The following UNC13C variants were observed in gnomAD, a reference collection of about 807,000 sequenced individuals.
UNC13C encodes unc-13 homolog C.
A neutral mutation model predicts 245.4 loss-of-function variants in UNC13C; 174 were observed. That is an observed-to-expected ratio of 0.71 (90% CI 0.63 to 0.80). The LOEUF is 0.80. Ranked by LOEUF, UNC13C falls within the 30% of genes least tolerant of loss-of-function variation. The pLI is 0.00. For missense variants in UNC13C, 2,829 were observed against 2,602.9 expected, an observed-to-expected ratio of 1.09 and a Z score of -1.89; for synonymous variants, 992 against 895.1, an observed-to-expected ratio of 1.11 and a Z score of -1.93.
chr15:53,892,419 C>T, the UNC13C span, among the ~76,000 whole-genome samples: 1 of 152,076 alleles, frequency 6.6e-6, no homozygotes, highest in East Asian at 1.9e-4. Context: ...TGAATGTTGG[C>T]CTGTCTTGCT....
chr15:54,146,310 G>A (rs912705385), intron 4 of UNC13C, among the ~76,000 whole-genome samples: 2 of 151,800 alleles, frequency 1.3e-5, no homozygotes, highest in African/African-American at 2.4e-5. Flanking sequence ...TTCTACCTTC[G>A]CCATCCCCAA....
At chr15:54,108,193 C>CT (rs11340883) in intron 2 of UNC13C, among the ~76,000 whole-genome samples, 3,830 of 150,588 alleles carry the variant, frequency 0.025, 145 homozygotes, top group African/African-American at 0.085. Context: ...CTAAATAATA[C>CT]TTTTTTTTTT....
chr15:54,327,053 CTA>C (rs1253844051), intron 14 of UNC13C, among the ~76,000 whole-genome samples: 12 of 152,062 alleles, frequency 7.9e-5, no homozygotes, highest in African/African-American at 2.6e-4. Context: ...TAAAGTGTCT[CTA>C]TGTGTGTTGA....
At chr15:54,395,286 A>G (rs766389524) in intron 18 of UNC13C, among the ~76,000 whole-genome samples, 1 of 151,878 alleles carries the variant, frequency 6.6e-6, no homozygotes, top group South Asian at 2.1e-4. Context: ...TTTCATTTAT[A>G]TCTGTTACTT....
chr15:53,985,420 CAT>C (rs1894096304), intron 1 of UNC13C, among the ~76,000 whole-genome samples: 1 of 150,838 alleles, frequency 6.6e-6, no homozygotes, highest in African/African-American at 2.5e-5. Flanking sequence ...AGGTTTGTTA[CAT>C]ATGTATACAT....
intron 13 of UNC13C, among the ~76,000 whole-genome samples, chr15:54,309,957 G>A (rs1015633645): frequency 2.0e-5 from 3 of 151,740 alleles, no homozygotes; most frequent in Non-Finnish European, 4.4e-5. Context: ...AATTCCATTT[G>A]TTGAATTCTT....
intron 1 of UNC13C, among the ~76,000 whole-genome samples, chr15:53,995,067 T>G (rs1331717642): frequency 6.6e-6 from 1 of 152,136 alleles, no homozygotes; most frequent in African/African-American, 2.4e-5. Flanking sequence ...ATATAAATAT[T>G]CTATGAGAAA....
At chr15:54,469,006 A>C (rs781606516) in intron 19 of UNC13C, among the ~76,000 whole-genome samples, 1 of 151,574 alleles carries the variant, frequency 6.6e-6, no homozygotes, top group Non-Finnish European at 1.5e-5. Context: ...CATTTTGCTG[A>C]ATCTATAGAT....
At chr15:54,230,216 A>G (rs1001776339) in intron 4 of UNC13C, among the ~76,000 whole-genome samples, 2 of 152,162 alleles carry the variant, frequency 1.3e-5, no homozygotes, top group East Asian at 3.9e-4. Context: ...AACAATGTGC[A>G]AAGGTCCCTT....
At position 54,549,682 on chromosome 15, in the gene UNC13C, C is replaced by G; in HGVS notation, c.5868C>G (p.Ser1956=). 1 of 1,594,614 alleles carries G rather than the reference C, an allele frequency of 6.3e-7. No homozygotes were observed. Residue 1956 remains serine (S), a synonymous_variant, in exon 28 of 33, where the codon TCC becomes TCG. Coordinates refer to ENST00000260323, the MANE Select transcript of UNC13C (RefSeq NM_001080534.3). ...FIAAKDLGQL[S]KLKEHMIRED... ...CAGCTAAAGATCTTGGACAATTATC[C>G]AAACTGAAGGTAATAAAAATAAGGA...
intron 19 of UNC13C, among the ~76,000 whole-genome samples, chr15:54,479,063 A>G (rs28521348): frequency 0.59 from 89,523 of 151,486 alleles, 26,608 homozygotes; most frequent in East Asian, 0.79. Flanking sequence ...GTATCTGTTC[A>G]CCAAGGTGTG....
intron 2 of UNC13C, among the ~76,000 whole-genome samples, chr15:54,125,702 T>C (rs569695119): frequency 6.6e-6 from 1 of 152,340 alleles, no homozygotes; most frequent in East Asian, 1.9e-4. Flanking sequence ...GTGTCAGATT[T>C]TGCTTTATCT....
At chr15:54,352,624 A>G (rs1361313170) in intron 17 of UNC13C, among the ~76,000 whole-genome samples, 1 of 152,016 alleles carries the variant, frequency 6.6e-6, no homozygotes, top group Non-Finnish European at 1.5e-5. Flanking sequence ...TCTAGAATAT[A>G]TATGTATTTT....
rs544973290 is a variant in UNC13C, at chr15:54,010,823, A to G, written c.-256-1825A>G. Among the ~76,000 whole-genome samples, 17 of 152,266 alleles carry G rather than the reference A, an allele frequency of 1.1e-4. No individual in the cohort carries two copies. The South Asian group carries it at 3.3e-3, about 30-fold the overall frequency. Reference sequence around the variant, plus strand: ...CTCAGGTATGAACATGGGATGGATGACACATGATCTAGAATGACTCCTGGG... The same window carrying G: ...CTCAGGTATGAACATGGGATGGATGGCACATGATCTAGAATGACTCCTGGG... On this transcript the variant is annotated intron_variant, in intron 1 of 32. Transcript: ENST00000260323.
At chr15:53,896,759 G>A in the UNC13C span, among the ~76,000 whole-genome samples, 2 of 152,018 alleles carry the variant, frequency 1.3e-5, no homozygotes, top group Non-Finnish European at 2.9e-5. Flanking sequence ...CTAAATGTGG[G>A]GACTATCCCA....
Position 54,494,732 on chromosome 15 carries a change from C to T in UNC13C, c.5058C>T (p.Ser1686=). Residue 1686 remains serine (S), a splice_region_variant and synonymous_variant, in exon 20 of 33, where the codon TCC becomes TCT. Transcript: ENST00000260323. ...PAFKDAVPEY[S]LWFEPFVMQW... ...TCAAGGATGCTGTTCCTGAATACTC[C>T]TTGTAAGTAGTGATTTTAACACACA... 6.2e-7 allele frequency: 1 copy of T among 1,609,496 alleles called. No homozygotes were observed. Among genetic ancestry groups the T allele is most frequent in the Non-Finnish European group, 8.5e-7 (1 of 1,178,006 alleles).
chr15:54,523,398 G>T (rs1378778709), intron 24 of UNC13C, among the ~76,000 whole-genome samples: 1 of 152,138 alleles, frequency 6.6e-6, no homozygotes, highest in Non-Finnish European at 1.5e-5. Flanking sequence ...TCCTTTTGTG[G>T]GAGGGACTGG....
At chr15:54,269,120 T>C (rs1435533843) in intron 10 of UNC13C, among the ~76,000 whole-genome samples, 1 of 152,000 alleles carries the variant, frequency 6.6e-6, no homozygotes, top group African/African-American at 2.4e-5. Flanking sequence ...GCAAACTATC[T>C]ACCTTGGTTT....
intron 2 of UNC13C, among the ~76,000 whole-genome samples, chr15:54,096,856 G>T (rs1341805615): frequency 1.3e-5 from 2 of 152,120 alleles, no homozygotes; most frequent in Non-Finnish European, 2.9e-5. Flanking sequence ...ATGTAAATAT[G>T]TTTTTAATAT....
Sources: allele counts gnomAD v4.1 joint callset (sites outside exome capture counted in the v4.1 genomes callset), GRCh38; gene constraint gnomAD v4.1.1; transcripts MANE v1.5; gene names NCBI Gene and HGNC (gene_info 2026-07-23, HGNC 2026-07-21).